The following CNTNAP4 variants were observed in gnomAD, a reference collection of about 807,000 sequenced individuals.
CNTNAP4 encodes the protein contactin-associated protein-like 4.
In CNTNAP4, 98 loss-of-function variants were observed where a neutral mutation model predicts 148.4. The observed-to-expected ratio is 0.66, with a 90% CI of 0.56 to 0.78. The LOEUF is 0.78. Ranked by LOEUF, CNTNAP4 falls within the 30% of genes least tolerant of loss-of-function variation. The pLI, the probability that CNTNAP4 is intolerant of heterozygous loss-of-function variation, is 0.00. For missense variants in CNTNAP4, 1,935 were observed against 1,565.6 expected, an observed-to-expected ratio of 1.24 and a Z score of -3.98; for synonymous variants, 730 against 565.1, an observed-to-expected ratio of 1.29 and a Z score of -4.14.
intron 8 of CNTNAP4, among the ~76,000 whole-genome samples, chr16:76,461,059 C>T (rs975555290): frequency 1.3e-5 from 2 of 151,692 alleles, no homozygotes; most frequent in Admixed American, 1.3e-4. Context: ...CCAACAGCAC[C>T]CTAACTCATG....
chr16:76,339,108 G>A (rs1348743385), intron 2 of CNTNAP4, among the ~76,000 whole-genome samples: 1 of 152,114 alleles, frequency 6.6e-6, no homozygotes, highest in Non-Finnish European at 1.5e-5. Context: ...CCTAAAAGCT[G>A]TAATCAGAAT....
At chr16:76,489,612 TTTTC>T (rs1304617460) in intron 12 of CNTNAP4, 70 bp from the exon 13 acceptor site, 1 of 808,894 alleles carries the variant, frequency 1.2e-6, no homozygotes, top group Non-Finnish European at 1.8e-6. Context: ...GTGATTTTGA[TTTTC>T]TTTATTTATT....
At chr16:76,390,546 T>C (rs1286117645) in intron 3 of CNTNAP4, among the ~76,000 whole-genome samples, 1 of 150,258 alleles carries the variant, frequency 6.7e-6, no homozygotes, top group Non-Finnish European at 1.5e-5. Context: ...AACTTAATGC[T>C]ATCTCTTCTG....
intron 3 of CNTNAP4, among the ~76,000 whole-genome samples, chr16:76,417,099 T>A (rs1009508656): frequency 6.6e-5 from 10 of 151,478 alleles, no homozygotes; most frequent in Admixed American, 2.0e-4. Flanking sequence ...TGTACGTTAG[T>A]CTATATTTAA....
At chr16:76,305,314 T>C (rs1597134061) in intron 1 of CNTNAP4, among the ~76,000 whole-genome samples, 1 of 152,190 alleles carries the variant, frequency 6.6e-6, no homozygotes, top group African/African-American at 2.4e-5. Flanking sequence ...TTTTTGGTTA[T>C]AATTTATTGT....
chr16:76,529,093 T>C (rs1459373648), intron 17 of CNTNAP4, among the ~76,000 whole-genome samples: 1 of 152,216 alleles, frequency 6.6e-6, no homozygotes, highest in Admixed American at 6.5e-5. Context: ...GAACATCTCC[T>C]CCTCTCCTCC....
chr16:76,343,638 TGG>T (rs1964668295), intron 2 of CNTNAP4, among the ~76,000 whole-genome samples: 1 of 152,196 alleles, frequency 6.6e-6, no homozygotes, highest in Non-Finnish European at 1.5e-5. Flanking sequence ...GTGCCTAGAT[TGG>T]AAAAATCACC....
intron 2 of CNTNAP4, among the ~76,000 whole-genome samples, chr16:76,342,686 A>T (rs1419702946): frequency 6.6e-6 from 1 of 151,974 alleles, no homozygotes; most frequent in East Asian, 1.9e-4. Context: ...ATTAGCCAGG[A>T]TGGTCTAGAT....
At chr16:76,336,963 A>G (rs577075387) in intron 2 of CNTNAP4, among the ~76,000 whole-genome samples, 1 of 152,222 alleles carries the variant, frequency 6.6e-6, no homozygotes, top group African/African-American at 2.4e-5. Context: ...AGTTAAATCA[A>G]CTTGCTTTGG....
At chr16:76,395,375 C>T (rs182457641) in intron 3 of CNTNAP4, among the ~76,000 whole-genome samples, 33 of 151,706 alleles carry the variant, frequency 2.2e-4, no homozygotes, top group African/African-American at 7.5e-4. Flanking sequence ...AAGCAATTCT[C>T]CTGCCTCAGC....
At chr16:76,322,955 C>A (rs1481531740) in intron 2 of CNTNAP4, among the ~76,000 whole-genome samples, 1 of 151,814 alleles carries the variant, frequency 6.6e-6, no homozygotes, top group Non-Finnish European at 1.5e-5. Context: ...GTGCCTTGGT[C>A]TGCTGAGTAT....
At chr16:76,523,060 C>A (rs762233468) in intron 17 of CNTNAP4, among the ~76,000 whole-genome samples, 5 of 152,036 alleles carry the variant, frequency 3.3e-5, no homozygotes, top group Admixed American at 3.3e-4. Context: ...CCACTGCACC[C>A]AGCCTTACCT....
chr16:76,403,038 C>G (rs529071214), intron 3 of CNTNAP4, among the ~76,000 whole-genome samples: 1 of 151,368 alleles, frequency 6.6e-6, no homozygotes, highest in Non-Finnish European at 1.5e-5. Context: ...AAGAAAAAAA[C>G]AACTCCATTA....
chr16:76,358,214 T>A (rs768666522), intron 3 of CNTNAP4, among the ~76,000 whole-genome samples: 1 of 152,142 alleles, frequency 6.6e-6, no homozygotes, highest in Non-Finnish European at 1.5e-5. Flanking sequence ...CATGTGCCTA[T>A]AATCCCAGCT....
chr16:76,376,832 G>T (rs935730638), intron 3 of CNTNAP4, among the ~76,000 whole-genome samples: 2 of 152,056 alleles, frequency 1.3e-5, no homozygotes, highest in African/African-American at 4.8e-5. Context: ...AGAAAAGGAA[G>T]TGAAGTCAGG....
At chr16:76,363,058 TAA>T (rs201897586) in intron 3 of CNTNAP4, among the ~76,000 whole-genome samples, 39 of 143,980 alleles carry the variant, frequency 2.7e-4, no homozygotes, top group South Asian at 6.6e-4. Flanking sequence ...CATGCTCTAT[TAA>T]AAAAAAAAAA....
At chr16:76,337,820 G>A (rs1331714940) in intron 2 of CNTNAP4, among the ~76,000 whole-genome samples, 1 of 152,122 alleles carries the variant, frequency 6.6e-6, no homozygotes, top group South Asian at 2.1e-4. Context: ...CTTCCTTGCT[G>A]GGAAAAGAAT....
At chr16:76,422,462 A>G (rs2079225201) in intron 3 of CNTNAP4, among the ~76,000 whole-genome samples, 1 of 152,226 alleles carries the variant, frequency 6.6e-6, no homozygotes, top group African/African-American at 2.4e-5. Context: ...CAGTTCAACA[A>G]TAACCTAAGT....
chr16:76,344,046 A>T (rs1208716982), intron 2 of CNTNAP4, among the ~76,000 whole-genome samples: 1 of 152,206 alleles, frequency 6.6e-6, no homozygotes, highest in East Asian at 1.9e-4. Flanking sequence ...CTAGAATTGA[A>T]TGCATGCATA....
Sources: gnomAD v4.1 joint callset for allele counts (sites outside exome capture counted in the v4.1 genomes callset) on GRCh38, gnomAD v4.1.1 for gene constraint, MANE v1.5 for transcripts, NCBI Gene and HGNC (gene_info 2026-07-23, HGNC 2026-07-21) for gene names.